Variants in WDPCP observed in about 807,000 individuals in gnomAD.
WDPCP encodes WD repeat-containing and planar cell polarity effector protein fritz homolog.
WDPCP carries 71 observed loss-of-function variants against 93.1 expected under a neutral mutation model. That is an observed-to-expected ratio of 0.76 (90% CI 0.63 to 0.93). The LOEUF (loss-of-function observed/expected upper bound fraction) is 0.93. Among genes scored for constraint, WDPCP ranks in the 40% least tolerant of loss-of-function variants. The probability of loss-of-function intolerance (pLI) is 0.00; values close to 1 mark genes in which losing one functional copy is unlikely to be tolerated. For missense variants in WDPCP, 844 were observed against 887.4 expected (o/e 0.95, Z 0.62); for synonymous variants, 315 against 315.0 (o/e 1.00, Z 0.00).
At chr2:63,309,310 TAAC>T (rs797011655) in intron 13 of WDPCP, among the ~76,000 whole-genome samples, 31 of 152,104 alleles carry the variant, frequency 2.0e-4, no homozygotes, top group African/African-American at 7.5e-4. Flanking sequence ...GCAAGAAAAA[TAAC>T]AATAATTAAC....
chr2:63,822,638 C>A (rs1671039917), intron 1 of WDPCP, among the ~76,000 whole-genome samples: 1 of 152,074 alleles, frequency 6.6e-6, no homozygotes. Flanking sequence ...ATAATCCCAG[C>A]ACCTTAGGGG....
intron 1 of WDPCP, among the ~76,000 whole-genome samples, chr2:63,817,811 T>G (rs1206340030): frequency 6.6e-6 from 1 of 152,212 alleles, no homozygotes; most frequent in Admixed American, 6.5e-5. Context: ...TATAGAAGCC[T>G]CTTCTTGCTC....
At chr2:63,784,294 A>G (rs1670438468) in intron 2 of WDPCP, among the ~76,000 whole-genome samples, 1 of 152,188 alleles carries the variant, frequency 6.6e-6, no homozygotes, top group Non-Finnish European at 1.5e-5. Context: ...GGGCATTCAA[A>G]GGAAGAGAGA....
chr2:63,163,463 A>G (rs764640326), intron 15 of WDPCP, among the ~76,000 whole-genome samples: 21 of 152,196 alleles, frequency 1.4e-4, no homozygotes, highest in Non-Finnish European at 3.1e-4. Context: ...ATGAACTTAC[A>G]GTTTTATGTA....
chr2:63,121,889 C>T lies in WDPCP; in HGVS notation c.*117G>A. 6.6e-7 allele frequency: 1 copy of T among 1,514,264 alleles called. No individual in the cohort carries two copies. The highest frequency in any genetic ancestry group is 1.4e-5 in the South Asian group (1 of 73,940). 93.8% of individuals were successfully genotyped at this position (1,514,264 alleles called of 1,614,324 possible). On this transcript the variant is annotated 3_prime_UTR_variant, in exon 18 of 18. Coordinates refer to ENST00000272321, the MANE Select transcript of WDPCP (RefSeq NM_015910.7). ...CAAACACTCAACTCAAAACTCTTAA[C>T]TAATTTATATGATTCATACTGTCTC... is the stretch of plus-strand genomic sequence containing the variant.
intron 2 of WDPCP, among the ~76,000 whole-genome samples, chr2:63,761,753 C>G (rs1159780230): frequency 6.6e-6 from 1 of 152,066 alleles, no homozygotes; most frequent in Non-Finnish European, 1.5e-5. Flanking sequence ...TCTGCCTTTC[C>G]CGGCCCACTG....
chr2:63,173,167 G>A (rs1475905145), intron 15 of WDPCP, among the ~76,000 whole-genome samples: 1 of 151,850 alleles, frequency 6.6e-6, no homozygotes, highest in Non-Finnish European at 1.5e-5. Context: ...ACTATGGAGG[G>A]TGAAGCAGGA....
chr2:63,466,173 G>T (rs1218067424), intron 6 of WDPCP, among the ~76,000 whole-genome samples: 1 of 151,998 alleles, frequency 6.6e-6, no homozygotes, highest in Non-Finnish European at 1.5e-5. Flanking sequence ...CAAAGGACAG[G>T]TACTTCTTCA....
At chr2:63,333,635 A>C (rs1039507290) in intron 12 of WDPCP, among the ~76,000 whole-genome samples, 1 of 152,196 alleles carries the variant, frequency 6.6e-6, no homozygotes, top group African/African-American at 2.4e-5. Context: ...AAAATGTTTA[A>C]ATTTACCTAT....
At chr2:63,618,855 A>G (rs555702545) in intron 3 of WDPCP, among the ~76,000 whole-genome samples, 1 of 151,918 alleles carries the variant, frequency 6.6e-6, no homozygotes, top group Non-Finnish European at 1.5e-5. Context: ...TCGCCTAGCT[A>G]ATTTTGTATT....
intron 10 of WDPCP, among the ~76,000 whole-genome samples, chr2:63,388,820 G>T (rs187156561): frequency 1.1e-4 from 17 of 152,204 alleles, no homozygotes; most frequent in African/African-American, 4.1e-4. Context: ...TTAAATTAAT[G>T]AAATAAAACG....
chr2:63,523,680 G>A (rs763506571), intron 1 of WDPCP, among the ~76,000 whole-genome samples: 4 of 152,196 alleles, frequency 2.6e-5, no homozygotes, highest in Non-Finnish European at 4.4e-5. Flanking sequence ...GAGAGGCCGC[G>A]GTGGGCGGAT....
chr2:63,692,431 A>G (rs923527547), intron 2 of WDPCP, among the ~76,000 whole-genome samples: 1 of 152,224 alleles, frequency 6.6e-6, no homozygotes, highest in African/African-American at 2.4e-5. Context: ...GAAGTTCATC[A>G]TGAAGTTATT....
At chr2:63,380,432 A>G (rs1286010639) in intron 11 of WDPCP, among the ~76,000 whole-genome samples, 1 of 152,070 alleles carries the variant, frequency 6.6e-6, no homozygotes, top group Non-Finnish European at 1.5e-5. Context: ...GCATTTTCTC[A>G]TTGTAAAAAT....
intron 15 of WDPCP, among the ~76,000 whole-genome samples, chr2:63,156,665 G>A (rs1043978333): frequency 2.0e-5 from 3 of 152,192 alleles, no homozygotes; most frequent in Non-Finnish European, 4.4e-5. Flanking sequence ...TTGAACCAGG[G>A]AGGTGGAGGT....
intron 2 of WDPCP, among the ~76,000 whole-genome samples, chr2:63,785,585 A>G (rs949217704): frequency 3.9e-5 from 6 of 152,176 alleles, no homozygotes; most frequent in Non-Finnish European, 8.8e-5. Context: ...TTTAGGAAAT[A>G]TGATAAACCC....
At chr2:63,271,987 C>G (rs1012243923) in intron 13 of WDPCP, among the ~76,000 whole-genome samples, 1 of 152,152 alleles carries the variant, frequency 6.6e-6, no homozygotes, top group Non-Finnish European at 1.5e-5. Context: ...CACCCACCCA[C>G]CAACCACTGC....
intron 1 of WDPCP, among the ~76,000 whole-genome samples, chr2:63,568,350 A>C (rs1483109813): frequency 1.9e-5 from 1 of 53,450 alleles, no homozygotes; most frequent in Non-Finnish European, 3.0e-5. Context: ...TCCTAAAAAA[A>C]AAAACAAAAA....
chr2:63,793,586 G>A (rs757881213), intron 2 of WDPCP, among the ~76,000 whole-genome samples: 17 of 152,010 alleles, frequency 1.1e-4, no homozygotes, highest in South Asian at 2.1e-4. Context: ...ACCTAAGCCC[G>A]GGTGACAGAG....
Sources: gnomAD v4.1 joint callset for allele counts (sites outside exome capture counted in the v4.1 genomes callset) on GRCh38, gnomAD v4.1.1 for gene constraint, MANE v1.5 for transcripts, NCBI Gene and HGNC (gene_info 2026-07-23, HGNC 2026-07-21) for gene names.